The following DGKB variants were observed in gnomAD, a reference collection of about 807,000 sequenced individuals.
The protein encoded by DGKB is 90 kDa diacylglycerol kinase.
Under a neutral mutation model 114.3 loss-of-function variants are expected in DGKB, and 67 were observed. The ratio of observed to expected loss-of-function variants is 0.59; its 90% CI spans 0.48 to 0.72. DGKB has a LOEUF of 0.72. Among genes scored for constraint, DGKB ranks in the 30% least tolerant of loss-of-function variants. DGKB has a pLI of 0.00. For synonymous variants in DGKB, 398 were observed against 323.1 expected, an observed-to-expected ratio of 1.23 and a Z score of -2.49; for missense variants, 907 against 975.2, an observed-to-expected ratio of 0.93 and a Z score of 0.93.
intron 1 of DGKB, among the ~76,000 whole-genome samples, chr7:14,853,312 T>C (rs1849654596): frequency 6.6e-6 from 1 of 152,090 alleles, no homozygotes; most frequent in African/African-American, 2.4e-5. Flanking sequence ...GCTTTTATTT[T>C]CTTCTGAAAG....
chr7:14,323,010 CA>C (rs1185590198), intron 23 of DGKB, among the ~76,000 whole-genome samples: 1 of 152,146 alleles, frequency 6.6e-6, no homozygotes, highest in Non-Finnish European at 1.5e-5. Flanking sequence ...TATAGCTGAA[CA>C]TGCACATACC....
At chr7:14,502,453 T>C (rs1043377415) in intron 20 of DGKB, among the ~76,000 whole-genome samples, 3 of 152,082 alleles carry the variant, frequency 2.0e-5, no homozygotes, top group African/African-American at 7.2e-5. Context: ...TAAAATAAAA[T>C]GGCTGTTTAA....
At chr7:14,761,147 G>C (rs1232806264) in intron 2 of DGKB, among the ~76,000 whole-genome samples, 1 of 152,080 alleles carries the variant, frequency 6.6e-6, no homozygotes, top group Non-Finnish European at 1.5e-5. Context: ...TTACAATCTA[G>C]TTTGGAAACT....
At chr7:14,579,499 G>T (rs114706979) in intron 19 of DGKB, among the ~76,000 whole-genome samples, 91 of 152,276 alleles carry the variant, frequency 6.0e-4, no homozygotes, top group African/African-American at 2.0e-3. Flanking sequence ...ATGGCAAGAA[G>T]ACTCACATAT....
At chr7:14,749,603 T>C (rs1472550527) in intron 4 of DGKB, among the ~76,000 whole-genome samples, 1 of 152,208 alleles carries the variant, frequency 6.6e-6, no homozygotes, top group Non-Finnish European at 1.5e-5. Flanking sequence ...TGTCTTTTAA[T>C]CAAGGATCTA....
At chr7:14,376,912 G>GT (rs1422426968) in intron 21 of DGKB, among the ~76,000 whole-genome samples, 4 of 152,208 alleles carry the variant, frequency 2.6e-5, no homozygotes, top group Non-Finnish European at 4.4e-5. Flanking sequence ...GACAGTGAGA[G>GT]TTTGAGTTTC....
In DGKB at chr7:14,808,910, C is replaced by A. The variant is rs567397836; in HGVS notation, c.70+32284G>T. 1.1e-4 allele frequency among the ~76,000 whole-genome samples: 16 copies of A among 152,218 alleles called. 1 individual carries two copies. In the South Asian group the frequency reaches 3.3e-3, roughly 32 times the overall value. On this transcript the variant is annotated intron_variant, in intron 2 of 25. Coordinates refer to ENST00000402815, the MANE Select transcript of DGKB (RefSeq NM_001350709.2). ...AATAGATGACAACTAAGGTACAGCTCTAAATTCCTACTAATTCCAGAATAA... is the reference window on the plus strand; with the variant it reads ...AATAGATGACAACTAAGGTACAGCTATAAATTCCTACTAATTCCAGAATAA...
chr7:14,835,370 C>A (rs1451886322), intron 2 of DGKB, among the ~76,000 whole-genome samples: 2 of 152,180 alleles, frequency 1.3e-5, no homozygotes, highest in African/African-American at 4.8e-5. Flanking sequence ...ACATACATTT[C>A]CATATTTAAT....
intron 23 of DGKB, among the ~76,000 whole-genome samples, chr7:14,235,161 CTG>C: frequency 6.6e-6 from 1 of 152,182 alleles, no homozygotes; most frequent in Non-Finnish European, 1.5e-5. Context: ...ACAGAAGAAG[CTG>C]AGACCACAGA....
intron 23 of DGKB, among the ~76,000 whole-genome samples, chr7:14,297,781 G>C (rs766816793): frequency 6.6e-6 from 1 of 152,116 alleles, no homozygotes; most frequent in Non-Finnish European, 1.5e-5. Context: ...GGCTGCAGAC[G>C]ACATGATTGT....
At chr7:14,947,892 T>C (rs926275293) in intron 1 of DGKB, among the ~76,000 whole-genome samples, 1 of 151,690 alleles carries the variant, frequency 6.6e-6, no homozygotes, top group African/African-American at 2.4e-5. Flanking sequence ...TTAATTGACT[T>C]CCACACCAAA....
intron 13 of DGKB, among the ~76,000 whole-genome samples, chr7:14,649,566 A>C (rs1222515251): frequency 6.6e-6 from 1 of 152,064 alleles, no homozygotes; most frequent in Non-Finnish European, 1.5e-5. Flanking sequence ...GACCATCAAC[A>C]CTAGGAAGAA....
At chr7:14,718,074 T>G (rs1828514493) in intron 6 of DGKB, among the ~76,000 whole-genome samples, 1 of 152,190 alleles carries the variant, frequency 6.6e-6, no homozygotes, top group Non-Finnish European at 1.5e-5. Flanking sequence ...GTTTAGCATT[T>G]GAGGAATAAT....
intron 3 of DGKB, among the ~76,000 whole-genome samples, chr7:14,755,157 T>C (rs1834684510): frequency 6.6e-6 from 1 of 152,186 alleles, no homozygotes; most frequent in South Asian, 2.1e-4. Flanking sequence ...ATTTCTCTTA[T>C]TCATTTCTTC....
At chr7:14,478,284 A>G in intron 20 of DGKB, 59 bp from the exon 21 acceptor site, 1 of 951,618 alleles carries the variant, frequency 1.1e-6, no homozygotes, top group South Asian at 1.9e-5. Context: ...TATTTTATGA[A>G]AATGTAGACT....
chr7:14,392,421 C>T (rs1485786499), intron 21 of DGKB, among the ~76,000 whole-genome samples: 1 of 152,068 alleles, frequency 6.6e-6, no homozygotes, highest in Non-Finnish European at 1.5e-5. Context: ...TTCTGAGAAA[C>T]ATAAGTTATT....
At chr7:14,382,175 G>A (rs1286464187) in intron 21 of DGKB, among the ~76,000 whole-genome samples, 2 of 152,194 alleles carry the variant, frequency 1.3e-5, no homozygotes, top group Non-Finnish European at 2.9e-5. Context: ...GCTGCATGTA[G>A]ATGCAGTAAG....
At chr7:14,447,135 G>T (rs553605359) in intron 21 of DGKB, among the ~76,000 whole-genome samples, 57 of 152,138 alleles carry the variant, frequency 3.7e-4, no homozygotes, top group Non-Finnish European at 7.2e-4. Context: ...CCCCAGGTAT[G>T]CACGGATGCA....
intron 21 of DGKB, among the ~76,000 whole-genome samples, chr7:14,426,882 C>A (rs1221822843): frequency 7.4e-6 from 1 of 134,942 alleles, no homozygotes; most frequent in Non-Finnish European, 1.6e-5. Context: ...TGAGGAAACC[C>A]CATCTCTACT....
Sources: allele counts gnomAD v4.1 joint callset (sites outside exome capture counted in the v4.1 genomes callset), GRCh38; gene constraint gnomAD v4.1.1; transcripts MANE v1.5; gene names NCBI Gene and HGNC (gene_info 2026-07-23, HGNC 2026-07-21).